SCHIP1: variants seen among roughly 807,000 people sequenced by gnomAD.
The protein encoded by SCHIP1 is schwannomin-interacting protein 1.
Under a neutral mutation model 29.7 loss-of-function variants are expected in SCHIP1, and 8 were observed. That is an observed-to-expected ratio of 0.27 (90% CI 0.16 to 0.49). The LOEUF (loss-of-function observed/expected upper bound fraction) is 0.49, where lower values mean the gene tolerates loss of function less well. Among genes scored for constraint, SCHIP1 ranks in the 20% least tolerant of loss-of-function variants. SCHIP1 has a pLI of 0.99. For synonymous variants in SCHIP1, 76 were observed against 94.9 expected, an observed-to-expected ratio of 0.80 and a Z score of 1.16; for missense variants, 193 against 294.6, an observed-to-expected ratio of 0.66 and a Z score of 2.52.
At chr3:159,319,985 T>C in the SCHIP1 span, among the ~76,000 whole-genome samples, 20 of 152,304 alleles carry the variant, frequency 1.3e-4, no homozygotes, top group African/African-American at 4.1e-4. Flanking sequence ...CTGAAATTCA[T>C]TGTGTTGAAA....
the SCHIP1 span, among the ~76,000 whole-genome samples, chr3:159,826,531 A>G: frequency 1.3e-5 from 2 of 152,246 alleles, no homozygotes; most frequent in Non-Finnish European, 2.9e-5. Context: ...CCATGAGAAG[A>G]AAGCAAGTGT....
the SCHIP1 span, among the ~76,000 whole-genome samples, chr3:159,429,678 C>G: frequency 6.6e-6 from 1 of 152,150 alleles, no homozygotes; most frequent in South Asian, 2.1e-4. Context: ...TTGTGTCACT[C>G]ATTTGCAAAA....
chr3:159,375,550 C>T, the SCHIP1 span: 1 of 152,210 alleles, frequency 6.6e-6, no homozygotes, highest in Non-Finnish European at 1.5e-5. Flanking sequence ...TCCTGGCCAA[C>T]ATGGTGAAAC....
the SCHIP1 span, among the ~76,000 whole-genome samples, chr3:159,490,225 A>G: frequency 6.6e-6 from 1 of 152,164 alleles, no homozygotes; most frequent in Admixed American, 6.5e-5. Flanking sequence ...TACCATTTCT[A>G]TGTGTTAGTA....
At chr3:159,492,075 A>T in the SCHIP1 span, among the ~76,000 whole-genome samples, 2 of 152,220 alleles carry the variant, frequency 1.3e-5, no homozygotes, top group African/African-American at 4.8e-5. Flanking sequence ...AACAGAAAGG[A>T]CATCCACACC....
the SCHIP1 span, among the ~76,000 whole-genome samples, chr3:159,450,252 T>G: frequency 6.6e-6 from 1 of 152,188 alleles, no homozygotes; most frequent in Non-Finnish European, 1.5e-5. Context: ...TTCCATAAAT[T>G]TACAATTAAG....
the SCHIP1 span, among the ~76,000 whole-genome samples, chr3:159,728,267 C>T: frequency 6.6e-6 from 1 of 152,064 alleles, no homozygotes; most frequent in East Asian, 1.9e-4. Context: ...GGAAGTGGGC[C>T]TTACCTTTAT....
chr3:159,871,739 G>A lies in SCHIP1; in HGVS notation c.149+5458G>A, dbSNP rs561834201. 3.5e-5 allele frequency among the ~76,000 whole-genome samples: 5 copies of A among 141,424 alleles called. No individual in the cohort carries two copies. In the South Asian group the frequency reaches 8.9e-4, roughly 25 times the overall value. The allele number at this position is 141,424 out of a possible 152,430, so 92.8% of individuals were successfully genotyped here. ...CTCTAGCAGGGGAAAGATAGGAACT[G>A]TAGCATATAAAATTTTACTTAATTT... is the stretch of plus-strand genomic sequence containing the variant. On this transcript the variant is annotated intron_variant, in intron 2 of 6. Coordinates refer to ENST00000445224, the Ensembl canonical transcript of SCHIP1.
the SCHIP1 span, among the ~76,000 whole-genome samples, chr3:159,503,797 C>A: frequency 6.6e-6 from 1 of 152,144 alleles, no homozygotes; most frequent in African/African-American, 2.4e-5. Flanking sequence ...TTTAGAGAAA[C>A]CTCCAGAGTC....
At chr3:159,423,237 G>A in the SCHIP1 span, among the ~76,000 whole-genome samples, 1 of 152,242 alleles carries the variant, frequency 6.6e-6, no homozygotes, top group African/African-American at 2.4e-5. Flanking sequence ...CCATGCGCAA[G>A]GTGAAGCAGG....
the SCHIP1 span, among the ~76,000 whole-genome samples, chr3:159,688,849 T>C: frequency 6.6e-6 from 1 of 152,242 alleles, no homozygotes; most frequent in Non-Finnish European, 1.5e-5. Context: ...ATTTATTAAA[T>C]AGGGAATCCT....
chr3:159,488,598 G>A, the SCHIP1 span, among the ~76,000 whole-genome samples: 4 of 152,132 alleles, frequency 2.6e-5, no homozygotes, highest in African/African-American at 9.7e-5. Context: ...AGGGGACAGG[G>A]GTGAGCACTG....
At chr3:159,770,206 TG>T in the SCHIP1 span, among the ~76,000 whole-genome samples, 1 of 152,242 alleles carries the variant, frequency 6.6e-6, no homozygotes, top group Admixed American at 6.5e-5. Context: ...ACATGTGCAT[TG>T]TTTCTAGGTT....
chr3:159,365,418 A>G, the SCHIP1 span, among the ~76,000 whole-genome samples: 1 of 152,122 alleles, frequency 6.6e-6, no homozygotes, highest in African/African-American at 2.4e-5. Context: ...CTAAAATAGA[A>G]CACATTCTAT....
the SCHIP1 span, among the ~76,000 whole-genome samples, chr3:159,762,516 T>C: frequency 6.6e-6 from 1 of 152,248 alleles, no homozygotes; most frequent in Non-Finnish European, 1.5e-5. Flanking sequence ...ATTCATTTGG[T>C]CCAGGCTAGA....
At chr3:159,320,262 T>C in the SCHIP1 span, among the ~76,000 whole-genome samples, 1 of 152,202 alleles carries the variant, frequency 6.6e-6, no homozygotes, top group Non-Finnish European at 1.5e-5. Flanking sequence ...ACATGTGTAG[T>C]GCCCTTATTA....
the SCHIP1 span, among the ~76,000 whole-genome samples, chr3:159,423,187 G>A: frequency 3.3e-5 from 5 of 152,216 alleles, no homozygotes; most frequent in South Asian, 1.0e-3. Context: ...TCTCACTAGG[G>A]AGTGCCAGAC....
the SCHIP1 span, among the ~76,000 whole-genome samples, chr3:159,398,322 G>C: frequency 6.6e-6 from 1 of 152,090 alleles, no homozygotes; most frequent in Admixed American, 6.5e-5. Context: ...GGCCAGAGCT[G>C]TTCCTATTCG....
the SCHIP1 span, among the ~76,000 whole-genome samples, chr3:159,639,625 A>C: frequency 3.9e-5 from 6 of 152,338 alleles, no homozygotes; most frequent in African/African-American, 1.4e-4. Context: ...GTTTGACAGC[A>C]TCTTTAACAT....
Sources: allele counts gnomAD v4.1 joint callset (sites outside exome capture counted in the v4.1 genomes callset), GRCh38; gene constraint gnomAD v4.1.1; transcripts MANE v1.5; gene names NCBI Gene and HGNC (gene_info 2026-07-23, HGNC 2026-07-21).